The following LRRTM4 variants were observed in gnomAD, a reference collection of about 807,000 sequenced individuals.
LRRTM4 encodes leucine rich repeat transmembrane neuronal 4, also known as leucine-rich repeat transmembrane neuronal protein 4.
LRRTM4 carries 25 observed loss-of-function variants against 47.6 expected under a neutral mutation model. The ratio of observed to expected loss-of-function variants is 0.53; its 90% CI spans 0.38 to 0.73. The LOEUF (loss-of-function observed/expected upper bound fraction) is 0.73. LRRTM4 is among the 30% of genes least tolerant of loss of function. LRRTM4 has a pLI of 0.00. For missense variants in LRRTM4, 638 were observed against 713.4 expected (o/e 0.89, Z 1.20); for synonymous variants, 311 against 269.5 (o/e 1.15, Z -1.51).
intron 3 of LRRTM4, among the ~76,000 whole-genome samples, chr2:76,978,026 T>C (rs1359671310): frequency 6.6e-6 from 1 of 152,042 alleles, no homozygotes; most frequent in Non-Finnish European, 1.5e-5. Flanking sequence ...TGAGCTTCCA[T>C]ATGGTCAAAC....
intron 3 of LRRTM4, among the ~76,000 whole-genome samples, chr2:77,089,980 A>C (rs1680876745): frequency 6.6e-6 from 1 of 151,952 alleles, no homozygotes; most frequent in Non-Finnish European, 1.5e-5. Context: ...TCCCCTCAGT[A>C]CTAACCCCAA....
At chr2:76,886,106 A>T (rs1326799176) in intron 3 of LRRTM4, among the ~76,000 whole-genome samples, 1 of 152,208 alleles carries the variant, frequency 6.6e-6, no homozygotes, top group Non-Finnish European at 1.5e-5. Flanking sequence ...CCTGAATAGA[A>T]AATCAAAGCA....
At chr2:76,775,855 C>A (rs1445594798) in intron 3 of LRRTM4, among the ~76,000 whole-genome samples, 1 of 152,068 alleles carries the variant, frequency 6.6e-6, no homozygotes, top group Non-Finnish European at 1.5e-5. Flanking sequence ...GCGCTGCACC[C>A]ACTAACTCGT....
rs372769327 is a variant in LRRTM4 at position 77,313,334 on chromosome 2, T to C, written c.1551+204984A>G. On this transcript the variant is annotated intron_variant, in intron 3 of 3. Transcript: ENST00000409884. ...TGCTGGGATGTGCCCCCCTACCTTT[T>C]CCTGGGACCTGGTGCTGGGATGTGC... Among the ~76,000 whole-genome samples the C allele has an allele frequency of 5.6e-3, 812 of 144,084 alleles. 7 individuals carry two copies. The highest frequency in any genetic ancestry group is 0.02 in the African/African-American group (727 of 37,144). The allele number at this position is 144,084 out of a possible 152,430, so 94.5% of individuals were successfully genotyped here.
At chr2:77,374,378 T>C (rs1672756235) in intron 3 of LRRTM4, among the ~76,000 whole-genome samples, 1 of 151,828 alleles carries the variant, frequency 6.6e-6, no homozygotes, top group African/African-American at 2.4e-5. Flanking sequence ...TAAAAAATGA[T>C]ATCCCAGGTT....
intron 3 of LRRTM4, among the ~76,000 whole-genome samples, chr2:76,779,396 A>C (rs1674220261): frequency 6.6e-6 from 1 of 150,784 alleles, no homozygotes; most frequent in Non-Finnish European, 1.5e-5. Context: ...ATGGGAGTCT[A>C]AGTCTCTTTG....
chr2:76,878,446 A>AT (rs1217313826), intron 3 of LRRTM4, among the ~76,000 whole-genome samples: 1 of 152,180 alleles, frequency 6.6e-6, no homozygotes, highest in African/African-American at 2.4e-5. Context: ...AGAAAGACAT[A>AT]TTAAAAGCAA....
chr2:77,069,250 T>C (rs1680066818), intron 3 of LRRTM4, among the ~76,000 whole-genome samples: 1 of 152,130 alleles, frequency 6.6e-6, no homozygotes. Context: ...TCAGAGGTGT[T>C]TCTCATTTTG....
intron 3 of LRRTM4, among the ~76,000 whole-genome samples, chr2:77,008,049 C>G (rs760480696): frequency 1.3e-5 from 2 of 152,122 alleles, no homozygotes; most frequent in Non-Finnish European, 2.9e-5. Flanking sequence ...AAATGTAAAC[C>G]ACACCAAAGT....
intron 3 of LRRTM4, among the ~76,000 whole-genome samples, chr2:76,920,660 C>T (rs1291858561): frequency 1.3e-5 from 2 of 151,948 alleles, no homozygotes; most frequent in Non-Finnish European, 2.9e-5. Flanking sequence ...GAGGTGTTTT[C>T]CTGTGTGTCT....
At chr2:77,234,128 A>G (rs1478155193) in intron 3 of LRRTM4, among the ~76,000 whole-genome samples, 1 of 152,230 alleles carries the variant, frequency 6.6e-6, no homozygotes, top group African/African-American at 2.4e-5. Context: ...CGTATGTGCC[A>G]GATATACAGT....
intron 3 of LRRTM4, among the ~76,000 whole-genome samples, chr2:77,066,851 T>G (rs76146408): frequency 6.6e-6 from 1 of 152,222 alleles, no homozygotes; most frequent in Admixed American, 6.5e-5. Flanking sequence ...CTCAAACCAG[T>G]ATGTCTGGTA....
intron 3 of LRRTM4, among the ~76,000 whole-genome samples, chr2:76,895,019 A>G (rs1673367525): frequency 6.6e-6 from 1 of 151,832 alleles, no homozygotes; most frequent in African/African-American, 2.4e-5. Flanking sequence ...TAGAAATTAT[A>G]TTGTATTTTA....
intron 3 of LRRTM4, among the ~76,000 whole-genome samples, chr2:77,127,065 C>G (rs562471393): frequency 1.3e-5 from 2 of 152,226 alleles, no homozygotes; most frequent in East Asian, 3.9e-4. Context: ...TTTTTATCCT[C>G]TAAATATACT....
intron 3 of LRRTM4, among the ~76,000 whole-genome samples, chr2:77,496,264 G>C (rs992161233): frequency 1.3e-5 from 2 of 151,804 alleles, no homozygotes; most frequent in African/African-American, 4.8e-5. Context: ...TTTCCACATA[G>C]ATGGCTTTAC....
intron 3 of LRRTM4, among the ~76,000 whole-genome samples, chr2:77,319,526 G>A (rs762064656): frequency 5.9e-5 from 9 of 152,144 alleles, no homozygotes; most frequent in Admixed American, 3.3e-4. Flanking sequence ...CGGAGCCTAG[G>A]GGAGTAAGTG....
intron 3 of LRRTM4, among the ~76,000 whole-genome samples, chr2:77,004,431 G>C (rs1022889953): frequency 1.3e-5 from 2 of 152,170 alleles, no homozygotes; most frequent in Non-Finnish European, 2.9e-5. Flanking sequence ...CTTCCACATG[G>C]TGCTGAGCTT....
chr2:76,934,804 G>A (rs1674887538), intron 3 of LRRTM4, among the ~76,000 whole-genome samples: 1 of 152,170 alleles, frequency 6.6e-6, no homozygotes, highest in Non-Finnish European at 1.5e-5. Flanking sequence ...ATGAATGTGT[G>A]TATGAAGAAA....
At chr2:77,042,861 A>G (rs1391400430) in intron 3 of LRRTM4, among the ~76,000 whole-genome samples, 3 of 151,634 alleles carry the variant, frequency 2.0e-5, no homozygotes, top group Admixed American at 1.3e-4. Context: ...TTCTTAGACA[A>G]AGTCTCTGGA....
Sources: gnomAD v4.1 joint callset for allele counts (sites outside exome capture counted in the v4.1 genomes callset) on GRCh38, gnomAD v4.1.1 for gene constraint, MANE v1.5 for transcripts, NCBI Gene and HGNC (gene_info 2026-07-23, HGNC 2026-07-21) for gene names.